COMMD10: variants seen among roughly 807,000 people sequenced by gnomAD.
COMMD10 encodes COMM domain containing 10.
A neutral mutation model predicts 28.9 loss-of-function variants in COMMD10; 33 were observed. The observed-to-expected ratio is 1.14, with a 90% CI of 0.87 to 1.53. The LOEUF (loss-of-function observed/expected upper bound fraction) is 1.53, where lower values mean the gene tolerates loss of function less well. Ranked by LOEUF, COMMD10 falls within the 40% of genes most tolerant of loss-of-function variation. The pLI is 0.00. For synonymous variants in COMMD10, 110 were observed against 81.7 expected (o/e 1.35, Z -1.87); for missense variants, 310 against 233.4 (o/e 1.33, Z -2.14).
chr5:116,183,397 A>T (rs1748038996), intron 5 of COMMD10, among the ~76,000 whole-genome samples: 1 of 152,126 alleles, frequency 6.6e-6, no homozygotes, highest in South Asian at 2.1e-4. Flanking sequence ...CATGCCCTAG[A>T]ATTTCAGTGA....
intron 5 of COMMD10, among the ~76,000 whole-genome samples, chr5:116,142,150 T>G (rs1752214563): frequency 6.6e-6 from 1 of 151,888 alleles, no homozygotes; most frequent in Non-Finnish European, 1.5e-5. Flanking sequence ...TCCAGTCTGA[T>G]TATAGGACTT....
At chr5:116,193,555 G>A (rs1748428906) in intron 5 of COMMD10, among the ~76,000 whole-genome samples, 1 of 152,094 alleles carries the variant, frequency 6.6e-6, no homozygotes, top group African/African-American at 2.4e-5. Context: ...AAACTTTAAA[G>A]CAACAGCAGT....
chr5:116,134,681 C>T (rs1478223654), intron 5 of COMMD10, among the ~76,000 whole-genome samples: 2 of 152,082 alleles, frequency 1.3e-5, no homozygotes, highest in South Asian at 2.1e-4. Flanking sequence ...AGTGCAGTGG[C>T]GCGATCTCGG....
chr5:116,257,260 T>A (rs951831884), intron 5 of COMMD10, among the ~76,000 whole-genome samples: 2 of 151,624 alleles, frequency 1.3e-5, no homozygotes, highest in South Asian at 4.1e-4. Flanking sequence ...CTTTCAGATG[T>A]TGGAGCATTT....
At chr5:116,227,093 T>C (rs1749411544) in intron 5 of COMMD10, among the ~76,000 whole-genome samples, 1 of 152,008 alleles carries the variant, frequency 6.6e-6, no homozygotes, top group Admixed American at 6.6e-5. Flanking sequence ...GAAAGCAGGG[T>C]CTGTATCTAT....
intron 4 of COMMD10, among the ~76,000 whole-genome samples, chr5:116,107,497 G>A (rs1339498476): frequency 6.6e-6 from 1 of 152,050 alleles, no homozygotes; most frequent in Non-Finnish European, 1.5e-5. Context: ...TATGCTTCAT[G>A]AAGTTCTCGT....
chr5:116,166,778 A>G (rs113477543), intron 5 of COMMD10, among the ~76,000 whole-genome samples: 1,642 of 152,268 alleles, frequency 0.011, 15 homozygotes, highest in Non-Finnish European at 0.016. Flanking sequence ...AAAACTAACA[A>G]ACAGAGAAAG....
intron 5 of COMMD10, among the ~76,000 whole-genome samples, chr5:116,285,745 C>G (rs570415690): frequency 6.6e-6 from 1 of 151,822 alleles, no homozygotes; most frequent in African/African-American, 2.4e-5. Flanking sequence ...TGTATAAACC[C>G]TTTAATGTGC....
rs1172568790 is a variant in COMMD10, at chr5:116,090,554, G to A, written c.133-525G>A. On this transcript the variant is annotated intron_variant, in intron 2 of 6. Transcript: ENST00000274458. The stretch of plus-strand genomic sequence containing the variant: ...TTGAGGCCCTCACACAAAGCCTGTT[G>A]AGATAACAGTGCTGTATATCTAGTT... Among the ~76,000 whole-genome samples, 4 of 152,228 alleles carry A rather than the reference G, an allele frequency of 2.6e-5. No individual in the cohort carries two copies. In the East Asian group the frequency reaches 5.8e-4, roughly 22 times the overall value.
chr5:116,136,173 C>T (rs574222725), intron 5 of COMMD10, among the ~76,000 whole-genome samples: 1 of 152,194 alleles, frequency 6.6e-6, no homozygotes, highest in South Asian at 2.1e-4. Context: ...CTTGCATTCC[C>T]TCTCCCTTTT....
intron 5 of COMMD10, among the ~76,000 whole-genome samples, chr5:116,268,286 T>C (rs543150800): frequency 0.013 from 2,014 of 151,438 alleles, 74 homozygotes; most frequent in African/African-American, 0.046. Flanking sequence ...AAAAAGTGGG[T>C]GAAGGATATG....
At chr5:116,238,369 G>T (rs561987199) in intron 5 of COMMD10, among the ~76,000 whole-genome samples, 6 of 152,182 alleles carry the variant, frequency 3.9e-5, no homozygotes, top group African/African-American at 1.2e-4. Context: ...AACTTAAATT[G>T]GGCAATTCTC....
chr5:116,153,005 G>A (rs1339893992), intron 5 of COMMD10, among the ~76,000 whole-genome samples: 1 of 151,950 alleles, frequency 6.6e-6, no homozygotes, highest in Non-Finnish European at 1.5e-5. Context: ...ATTTTAGATT[G>A]GCATGGTAGT....
intron 5 of COMMD10, among the ~76,000 whole-genome samples, chr5:116,142,537 T>G (rs545221127): frequency 6.6e-6 from 1 of 151,842 alleles, no homozygotes; most frequent in African/African-American, 2.4e-5. Flanking sequence ...CTGAAATCAT[T>G]TTGGGGAATA....
chr5:116,137,293 T>A (rs577641921), intron 5 of COMMD10, among the ~76,000 whole-genome samples: 1 of 152,046 alleles, frequency 6.6e-6, no homozygotes, highest in Admixed American at 6.6e-5. Flanking sequence ...GGTTGGAATA[T>A]TAAGTAAAAA....
chr5:116,177,983 G>A (rs1479637564), intron 5 of COMMD10, among the ~76,000 whole-genome samples: 1 of 152,068 alleles, frequency 6.6e-6, no homozygotes, highest in Non-Finnish European at 1.5e-5. Flanking sequence ...GATAATATGA[G>A]CATGTACCTT....
chr5:116,204,430 C>T lies in COMMD10; in HGVS notation c.510+70252C>T, dbSNP rs150329502. On this transcript the variant is annotated intron_variant, in intron 5 of 6. Transcript: ENST00000274458. ...TTCATTTAGATGTTTTCTCCATCCTCCTTTTTTTTTCTTTTTTTACCTTCT... is the reference window on the plus strand; with the variant it reads ...TTCATTTAGATGTTTTCTCCATCCTTCTTTTTTTTTCTTTTTTTACCTTCT... Among the ~76,000 whole-genome samples, 246 of 152,162 alleles carry T rather than the reference C, an allele frequency of 1.6e-3. 2 individuals are homozygous for T. The highest frequency in any genetic ancestry group is 5.4e-3 in the African/African-American group (226 of 41,546).
At chr5:116,113,144 C>A (rs1402491541) in intron 4 of COMMD10, among the ~76,000 whole-genome samples, 2 of 152,156 alleles carry the variant, frequency 1.3e-5, no homozygotes, top group African/African-American at 4.8e-5. Flanking sequence ...TATGTCGTCA[C>A]ATTTTTTCCT....
At chr5:116,266,529 C>G (rs1406378248) in intron 5 of COMMD10, among the ~76,000 whole-genome samples, 1 of 151,620 alleles carries the variant, frequency 6.6e-6, no homozygotes. Context: ...AGTAGTAAAC[C>G]TACTTTCTAC....
Sources: allele counts gnomAD v4.1 joint callset (sites outside exome capture counted in the v4.1 genomes callset), GRCh38; gene constraint gnomAD v4.1.1; transcripts MANE v1.5; gene names NCBI Gene and HGNC (gene_info 2026-07-23, HGNC 2026-07-21).